Variants in ROBO1 observed in about 807,000 individuals in gnomAD.
ROBO1 encodes roundabout homolog 1.
Under a neutral mutation model 195.9 loss-of-function variants are expected in ROBO1, and 149 were observed. That is an observed-to-expected ratio of 0.76 (90% confidence interval 0.67 to 0.87). The LOEUF (loss-of-function observed/expected upper bound fraction) is 0.87, where lower values mean the gene tolerates loss of function less well. ROBO1 is among the 40% of genes least tolerant of loss of function. The probability of loss-of-function intolerance (pLI) is 0.00; values close to 1 mark genes in which losing one functional copy is unlikely to be tolerated. For missense variants in ROBO1, 1,933 were observed against 2,068.3 expected (o/e 0.93, Z 1.27); for synonymous variants, 816 against 733.2 (o/e 1.11, Z -1.82).
At chr3:79,423,630 A>G (rs2038323865) in intron 2 of ROBO1, among the ~76,000 whole-genome samples, 1 of 152,080 alleles carries the variant, frequency 6.6e-6, no homozygotes, top group Non-Finnish European at 1.5e-5. Context: ...TTTTGGCTCA[A>G]TTGACTTGAT....
At chr3:79,538,661 T>A (rs1481052355) in intron 2 of ROBO1, among the ~76,000 whole-genome samples, 1 of 152,140 alleles carries the variant, frequency 6.6e-6, no homozygotes, top group Non-Finnish European at 1.5e-5. Flanking sequence ...TTCTAGGATC[T>A]GTCTTTTCAA....
At chr3:78,890,563 C>G (rs2107359167) in intron 4 of ROBO1, among the ~76,000 whole-genome samples, 1 of 152,156 alleles carries the variant, frequency 6.6e-6, no homozygotes, top group Admixed American at 6.6e-5. Context: ...AGCACAAACT[C>G]TCACTGGTGA....
chr3:79,609,266 T>C (rs958324582), intron 1 of ROBO1, among the ~76,000 whole-genome samples: 2 of 151,588 alleles, frequency 1.3e-5, no homozygotes, highest in African/African-American at 4.8e-5. Context: ...TGCTAGCAAC[T>C]TCTAAGGAAA....
chr3:78,906,451 C>G (rs1251615580), intron 4 of ROBO1, among the ~76,000 whole-genome samples: 1 of 152,130 alleles, frequency 6.6e-6, no homozygotes, highest in African/African-American at 2.4e-5. Context: ...GTTAAGTAAA[C>G]ATGTCTGCAC....
At chr3:79,242,278 A>G (rs2082533546) in intron 2 of ROBO1, among the ~76,000 whole-genome samples, 1 of 152,100 alleles carries the variant, frequency 6.6e-6, no homozygotes, top group Non-Finnish European at 1.5e-5. Flanking sequence ...TATGAAAAAA[A>G]AAAAAATTCT....
chr3:79,487,177 A>T, intron 2 of ROBO1, among the ~76,000 whole-genome samples: 1 of 152,392 alleles, frequency 6.6e-6, no homozygotes. Flanking sequence ...CATAAAATGT[A>T]TAAGAAGTTA....
intron 17 of ROBO1, among the ~76,000 whole-genome samples, chr3:78,659,010 C>T (rs925506305): frequency 6.6e-6 from 1 of 152,086 alleles, no homozygotes; most frequent in African/African-American, 2.4e-5. Context: ...GGGAAAATGC[C>T]TACATTCCAC....
intron 21 of ROBO1, among the ~76,000 whole-genome samples, chr3:78,641,060 TAAA>T (rs1705915578): frequency 6.6e-6 from 1 of 152,148 alleles, no homozygotes; most frequent in Non-Finnish European, 1.5e-5. Context: ...AGTTATATAA[TAAA>T]AATAAATATT....
intron 1 of ROBO1, among the ~76,000 whole-genome samples, chr3:79,741,860 G>A (rs919864576): frequency 2.6e-5 from 4 of 152,172 alleles, no homozygotes; most frequent in Non-Finnish European, 5.9e-5. Flanking sequence ...TAAAATAAAG[G>A]TCACTCACTA....
chr3:79,125,641 A>T, intron 2 of ROBO1, 102 bp from the exon 3 acceptor site: 1 of 837,748 alleles, frequency 1.2e-6, no homozygotes, highest in Non-Finnish European at 2.0e-6. Context: ...CACATGTGAC[A>T]GAAAAACACA....
At position 79,257,628 on chromosome 3, in the gene ROBO1, T is replaced by A. The variant is rs545014295; in HGVS notation, c.89-132089A>T. On this transcript the variant is annotated intron_variant, in intron 2 of 30. Coordinates refer to ENST00000464233, the MANE Select transcript of ROBO1 (RefSeq NM_002941.4). Reference sequence around the variant, plus strand: ...TCCATTAGCTCATTTTATACCATAATGATTGTTTGAAGTAAGCAGGAAAGG... The same window carrying A: ...TCCATTAGCTCATTTTATACCATAAAGATTGTTTGAAGTAAGCAGGAAAGG... 5.9e-5 allele frequency among the ~76,000 whole-genome samples: 9 copies of A among 152,222 alleles called. No homozygotes were observed. The South Asian group carries it at 1.9e-3, about 32-fold the overall frequency.
At chr3:79,745,548 G>A (rs1703837028) in intron 1 of ROBO1, among the ~76,000 whole-genome samples, 1 of 152,150 alleles carries the variant, frequency 6.6e-6, no homozygotes, top group Admixed American at 6.6e-5. Context: ...CACAGCTAGG[G>A]TTGAAGCCTG....
At chr3:78,933,853 T>C (rs1285430277) in intron 4 of ROBO1, among the ~76,000 whole-genome samples, 1 of 152,008 alleles carries the variant, frequency 6.6e-6, no homozygotes, top group South Asian at 2.1e-4. Flanking sequence ...TTGCATGTCC[T>C]GCATCACCAA....
chr3:79,451,474 G>A (rs2039440941), intron 2 of ROBO1, among the ~76,000 whole-genome samples: 2 of 152,068 alleles, frequency 1.3e-5, no homozygotes, highest in Admixed American at 1.3e-4. Context: ...ACTGCTAATA[G>A]GAGTGTAGAC....
At chr3:79,315,922 CAAGG>C (rs2033708237) in intron 2 of ROBO1, among the ~76,000 whole-genome samples, 1 of 152,080 alleles carries the variant, frequency 6.6e-6, no homozygotes, top group African/African-American at 2.4e-5. Flanking sequence ...AATAAGCTAA[CAAGG>C]AAGTCCGAGA....
intron 3 of ROBO1, among the ~76,000 whole-genome samples, chr3:78,940,418 CG>C (rs1391653472): frequency 3.3e-5 from 5 of 152,300 alleles, no homozygotes; most frequent in South Asian, 2.1e-4. Flanking sequence ...CTGCTCTTAA[CG>C]TAAGTCTTTA....
rs895640958 is a variant in ROBO1, at chr3:78,598,667, A to C, written c.*246T>G. 5 of 339,126 alleles carry C rather than the reference A, an allele frequency of 1.5e-5. No individual in the cohort carries two copies. Among genetic ancestry groups the C allele is most frequent in the South Asian group, 1.3e-4 (1 of 7,528 alleles). The allele number at this position is 339,126 out of a possible 1,614,324, so 21.0% of individuals were successfully genotyped here. ...AAGTCAAAGCACTTTGCTTGCTGGA[A>C]GTAAGGTATAATGGTTTGCTCCAAC... On this transcript the variant is annotated 3_prime_UTR_variant, in exon 31 of 31. Transcript: ENST00000464233.
At chr3:79,326,127 C>A (rs1298654600) in intron 2 of ROBO1, among the ~76,000 whole-genome samples, 1 of 152,098 alleles carries the variant, frequency 6.6e-6, no homozygotes. Flanking sequence ...CGGTTGCTCT[C>A]AAAACCCTGT....
intron 4 of ROBO1, among the ~76,000 whole-genome samples, chr3:78,800,020 A>G (rs867528119): frequency 2.6e-5 from 4 of 152,134 alleles, no homozygotes; most frequent in Non-Finnish European, 2.9e-5. Flanking sequence ...CTCATGACAC[A>G]TTGTATAATT....
Sources: allele counts gnomAD v4.1 joint callset (sites outside exome capture counted in the v4.1 genomes callset), GRCh38; gene constraint gnomAD v4.1.1; transcripts MANE v1.5; gene names NCBI Gene and HGNC (gene_info 2026-07-23, HGNC 2026-07-21).